Variants in IST1 observed in about 807,000 individuals in gnomAD.
IST1 encodes IST1 factor associated with ESCRT-III, also known as IST1 homolog.
Under a neutral mutation model 37.0 loss-of-function variants are expected in IST1, and 23 were observed. That is an observed-to-expected ratio of 0.62 (90% CI 0.45 to 0.88). The LOEUF is 0.88. IST1 is among the 40% of genes least tolerant of loss of function. The pLI is 0.00. For missense variants in IST1, 488 were observed against 445.4 expected, an observed-to-expected ratio of 1.10 and a Z score of -0.86; for synonymous variants, 180 against 161.7, an observed-to-expected ratio of 1.11 and a Z score of -0.86.
intron 1 of IST1, among the ~76,000 whole-genome samples, chr16:71,902,395 G>T (rs1322635095): frequency 6.6e-6 from 1 of 151,854 alleles, no homozygotes; most frequent in Non-Finnish European, 1.5e-5. Flanking sequence ...TCAGCCTCCC[G>T]AGTAGCTGGG....
intron 5 of IST1, 30 bp from the exon 6 acceptor site, chr16:71,921,313 C>T (rs752425043): frequency 3.8e-6 from 5 of 1,315,290 alleles, no homozygotes; most frequent in Non-Finnish European, 4.4e-6. Context: ...GGTATACATG[C>T]ATCTTAGCCC....
In IST1 at chr16:71,929,840, G is replaced by A. The variant is rs984607715; in HGVS notation, c.*2027G>A. On this transcript the variant is annotated 3_prime_UTR_variant, in exon 10 of 10. Transcript: ENST00000378799. ...TTGGAGTGTTTCCACTAATGGTTGC[G>A]AGCCAACTATTTATAGGACAATGGC... 2.4e-5 allele frequency: 23 copies of A among 947,692 alleles called. No homozygotes were observed. The highest frequency in any genetic ancestry group is 6.0e-5 in the Admixed American group (2 of 33,496). 58.7% of individuals were successfully genotyped at this position (947,692 alleles called of 1,614,324 possible).
intron 1 of IST1, among the ~76,000 whole-genome samples, chr16:71,897,617 A>G (rs1473268596): frequency 6.6e-6 from 1 of 152,218 alleles, no homozygotes; most frequent in African/African-American, 2.4e-5. Flanking sequence ...TATGGTACAG[A>G]TGGTCAAAAG....
chr16:71,901,879 T>C (rs1042182311), intron 1 of IST1, among the ~76,000 whole-genome samples: 1 of 152,228 alleles, frequency 6.6e-6, no homozygotes, highest in African/African-American at 2.4e-5. Flanking sequence ...CTAGGCAGTA[T>C]GTAAGAAACA....
chr16:71,920,391 C>G (rs1212253973), intron 4 of IST1, among the ~76,000 whole-genome samples: 3 of 152,000 alleles, frequency 2.0e-5, no homozygotes, highest in African/African-American at 7.3e-5. Context: ...AAGCTTATTT[C>G]TAACACTTAT....
At chr16:71,916,044 T>C (rs191443895) in intron 2 of IST1, among the ~76,000 whole-genome samples, 2 of 152,262 alleles carry the variant, frequency 1.3e-5, no homozygotes, top group African/African-American at 2.4e-5. Flanking sequence ...TTGGCCAGGC[T>C]GGTCTTGCAC....
rs528492576 is a variant in IST1, at chr16:71,911,281, C to T, written c.-15-4345C>T. On this transcript the variant is annotated intron_variant, in intron 1 of 9. Transcript: ENST00000378799. Reference sequence around the variant, plus strand: ...AAGTAACACATCTTGGAGCTCCTCCCTTTCATTTGTTCGGCAGTTATTATC... The same window carrying T: ...AAGTAACACATCTTGGAGCTCCTCCTTTTCATTTGTTCGGCAGTTATTATC... Among the ~76,000 whole-genome samples, 5 of 152,060 alleles carry T rather than the reference C, an allele frequency of 3.3e-5. No individual in the cohort carries two copies. In the East Asian group the frequency reaches 9.7e-4, roughly 29 times the overall value.
At chr16:71,900,282 C>A (rs993209275) in intron 1 of IST1, among the ~76,000 whole-genome samples, 1 of 149,252 alleles carries the variant, frequency 6.7e-6, no homozygotes, top group African/African-American at 2.5e-5. Flanking sequence ...CTCCTCACTT[C>A]GTACTTTTAG....
chr16:71,923,823 C>G (rs117376038), intron 8 of IST1, among the ~76,000 whole-genome samples: 1 of 152,092 alleles, frequency 6.6e-6, no homozygotes, highest in South Asian at 2.1e-4. Flanking sequence ...ACATGTCGGC[C>G]GACAGCATTG....
chr16:71,916,715 A>G, intron 3 of IST1, 73 bp downstream of exon 3: 2 of 1,288,338 alleles, frequency 1.6e-6, no homozygotes, highest in Non-Finnish European at 2.2e-6. Context: ...CTCTTTCTGC[A>G]TTAAGGGACT....
Position 71,920,722 on chromosome 16 carries a change from G to GTCCTT in IST1, c.358-15_358-11dup. The GTCCTT allele has an allele frequency of 3.8e-6, 6 of 1,599,998 alleles. No homozygotes were observed. The highest frequency in any genetic ancestry group is 5.1e-6 in the Non-Finnish European group (6 of 1,167,300). On this transcript the variant is annotated splice_polypyrimidine_tract_variant and intron_variant, in intron 4 of 9. Transcript: ENST00000378799. ...GGAGTGGTCTCTATTTTTATTTGCTGTCCTTTTTCTTTTTAGGTTGCTGAT... is the reference window on the plus strand; with the variant it reads ...GGAGTGGTCTCTATTTTTATTTGCTGTCCTTTCCTTTTTCTTTTTAGGTTGCTGAT...
At chr16:71,916,430 G>T (rs371402485) in intron 2 of IST1, 32 bp from the exon 3 acceptor site, 142 of 1,607,304 alleles carry the variant, frequency 8.8e-5, no homozygotes, top group Non-Finnish European at 1.2e-4. Context: ...GTGCTCTACT[G>T]CTGTGAGATC....
At chr16:71,894,889 C>G, upstream of IST1, 1 of 1,433,508 alleles carries the variant, frequency 7.0e-7, no homozygotes, top group South Asian at 1.2e-5. Context: ...CTCTGAATAC[C>G]GAGATAAATT....
intron 1 of IST1, among the ~76,000 whole-genome samples, chr16:71,904,855 A>C (rs1416780758): frequency 6.6e-6 from 1 of 152,080 alleles, no homozygotes; most frequent in Non-Finnish European, 1.5e-5. Context: ...TCTGTCTTTT[A>C]ATTGTGTTTA....
chr16:71,900,327 C>CTTTTTTT (rs201344260), intron 1 of IST1, among the ~76,000 whole-genome samples: 1 of 100,470 alleles, frequency 1.0e-5, no homozygotes, highest in African/African-American at 4.3e-5. Context: ...CTTAGGAAGT[C>CTTTTTTT]TTTTTTTTTT....
rs747050629 is a variant in IST1, at chr16:71,923,340, A to G, written c.812A>G (p.His271Arg). 1.2e-6 allele frequency: 2 copies of G among 1,612,656 alleles called. No homozygotes were observed. Among genetic ancestry groups the G allele is most frequent in the Admixed American group, 1.7e-5 (1 of 59,974 alleles). ...ACTTATCAGGCCTTTCCCAATATTC[A>G]TCCACCTCAGATACCAGCAACTCCC... ...MGTYQAFPNI[H>R]PPQIPATPPS... The change falls in exon 8 of 10, where the codon CAT becomes CGT. Residue 271 changes from histidine (H) to arginine (R), a missense_variant. Around this residue, in one of 2 missense-constraint regions of IST1, gnomAD observed 455 missense variants for 386.2 expected, o/e 1.18. Coordinates refer to ENST00000378799, the MANE Select transcript of IST1 (RefSeq NM_001270975.2).
intron 8 of IST1, 180 bp from the exon 9 acceptor site, chr16:71,924,589 A>G: frequency 1.6e-6 from 1 of 610,762 alleles, no homozygotes; most frequent in Non-Finnish European, 2.9e-6. Flanking sequence ...CCCTGTCTCA[A>G]AATCAAAGGA....
intron 9 of IST1, among the ~76,000 whole-genome samples, chr16:71,926,582 G>A (rs1597260136): frequency 6.6e-6 from 1 of 152,086 alleles, no homozygotes; most frequent in East Asian, 1.9e-4. Context: ...TCCTGACCTT[G>A]TGATCTGCCC....
Position 71,924,808 on chromosome 16 carries a change from C to G in IST1, c.892C>G (p.Gln298Glu), listed in dbSNP as rs766516744. Residue 298 changes from glutamine (Q) to glutamate (E), a missense_variant, in exon 9 of 10, where the codon CAG (glutamine) becomes GAG (glutamate). Gln to Glu is a conservative substitution (Grantham distance 29, BLOSUM62 2). Coordinates refer to ENST00000378799, the MANE Select transcript of IST1 (RefSeq NM_001270975.2). ...TGCTGATAAGAATATCTCTTCTGCA[C>G]AGATTGTTGGTGAGTAGTATCAATC... is the stretch of plus-strand genomic sequence containing the variant. ...INADKNISSAQIVGPGPKPEA... is the reference protein window; with the variant it reads ...INADKNISSAEIVGPGPKPEA... The G allele has an allele frequency of 4.4e-6, 7 of 1,607,218 alleles. No homozygotes were observed. Among genetic ancestry groups the G allele is most frequent in the Non-Finnish European group, 3.4e-6 (4 of 1,173,660 alleles).
Sources: gnomAD v4.1 joint callset for allele counts (sites outside exome capture counted in the v4.1 genomes callset) on GRCh38, gnomAD v4.1.1 for gene constraint, gnomAD v4.1.1 regional missense constraint, MANE v1.5 for transcripts, NCBI Gene and HGNC (gene_info 2026-07-23, HGNC 2026-07-21) for gene names.